SOX6: variants seen among roughly 807,000 people sequenced by gnomAD.
SOX6 encodes transcription factor SOX-6.
A neutral mutation model predicts 97.8 loss-of-function variants in SOX6; 11 were observed. That is an observed-to-expected ratio of 0.11 (90% confidence interval 0.07 to 0.19). SOX6 has a LOEUF of 0.19. SOX6 is among the 10% of genes least tolerant of loss of function. SOX6 has a pLI of 1.00. For missense variants in SOX6, 810 were observed against 1,039.5 expected (o/e 0.78, Z 3.04); for synonymous variants, 360 against 371.4 (o/e 0.97, Z 0.35).
intron 10 of SOX6, among the ~76,000 whole-genome samples, chr11:16,053,418 A>G (rs1847732117): frequency 6.6e-6 from 1 of 152,098 alleles, no homozygotes; most frequent in Non-Finnish European, 1.5e-5. Context: ...TTCAATCACA[A>G]CCACTAAAAC....
chr11:16,604,654 G>A (rs1175107108), intron 4 of SOX6, among the ~76,000 whole-genome samples: 1 of 152,182 alleles, frequency 6.6e-6, no homozygotes, highest in African/African-American at 2.4e-5. Flanking sequence ...CTTCAAGCGC[G>A]GCCCTCACAG....
intron 4 of SOX6, among the ~76,000 whole-genome samples, chr11:16,210,114 G>T (rs896790814): frequency 6.6e-6 from 1 of 152,086 alleles, no homozygotes; most frequent in African/African-American, 2.4e-5. Context: ...GTTACTAGAT[G>T]ACCCAGCAAT....
At chr11:16,518,336 G>A (rs1200133236) in intron 4 of SOX6, among the ~76,000 whole-genome samples, 1 of 152,118 alleles carries the variant, frequency 6.6e-6, no homozygotes, top group African/African-American at 2.4e-5. Context: ...AATACAAAAT[G>A]CTACTTCCTC....
intron 13 of SOX6, among the ~76,000 whole-genome samples, chr11:15,992,001 A>G (rs192531460): frequency 1.0e-3 from 152 of 152,246 alleles, no homozygotes; most frequent in Admixed American, 1.6e-3. Context: ...CCTACATCAC[A>G]TATTATCTTC....
intron 2 of SOX6, among the ~76,000 whole-genome samples, chr11:16,724,484 TA>T (rs72425242): frequency 0.54 from 80,322 of 147,962 alleles, 21,910 homozygotes; most frequent in Admixed American, 0.63. Flanking sequence ...CTGTAGGCTT[TA>T]AAAAAAAAAA....
chr11:15,981,234 T>C (rs1018400047), intron 15 of SOX6, among the ~76,000 whole-genome samples: 4 of 152,090 alleles, frequency 2.6e-5, no homozygotes, highest in Non-Finnish European at 5.9e-5. Flanking sequence ...ATAATGAATG[T>C]GCACATCAAA....
rs141715759 is a variant in SOX6, at chr11:16,070,781, G to A, written c.1102-14880C>T. On this transcript the variant is annotated intron_variant, in intron 9 of 15. Coordinates refer to ENST00000683767, the MANE Select transcript of SOX6 (RefSeq NM_001367873.1). Reference sequence around the variant, plus strand: ...GAAAGGGTGAGAGCCCCCTGGCGGGGGGGCACACTCTCCACAGGGACCTGT... The same window carrying A: ...GAAAGGGTGAGAGCCCCCTGGCGGGAGGGCACACTCTCCACAGGGACCTGT... Among the ~76,000 whole-genome samples the A allele has an allele frequency of 9.2e-5, 14 of 152,142 alleles. No individual in the cohort carries two copies. In the East Asian group the frequency reaches 2.5e-3, roughly 27 times the overall value.
At position 16,394,922 on chromosome 11, in the gene SOX6, A is replaced by G. The variant is rs552389904; in HGVS notation, c.-4-53670T>C. Among the ~76,000 whole-genome samples, 5 of 152,048 alleles carry G rather than the reference A, an allele frequency of 3.3e-5. No individual in the cohort carries two copies. The South Asian group carries it at 1.0e-3, about 31-fold the overall frequency. On this transcript the variant is annotated intron_variant, in intron 1 of 15. Coordinates refer to the SOX6 transcript ENST00000396356. Reference sequence around the variant, plus strand: ...GACAGACTACACTGAAAAACAAGAAACAAAAATGAAGAAAAGCTGTTAAAT... The same window carrying G: ...GACAGACTACACTGAAAAACAAGAAGCAAAAATGAAGAAAAGCTGTTAAAT...
At chr11:16,204,204 C>A (rs1348297765) in intron 4 of SOX6, among the ~76,000 whole-genome samples, 1 of 152,042 alleles carries the variant, frequency 6.6e-6, no homozygotes, top group Non-Finnish European at 1.5e-5. Context: ...ACATGATTGA[C>A]CCAAAATTTA....
chr11:16,716,970 G>T (rs532520558), intron 2 of SOX6, among the ~76,000 whole-genome samples: 67 of 152,102 alleles, frequency 4.4e-4, no homozygotes, highest in Non-Finnish European at 5.4e-4. Context: ...CCAGGTAGTG[G>T]TTATATAGAT....
intron 3 of SOX6, among the ~76,000 whole-genome samples, chr11:16,648,974 C>T (rs371857440): frequency 4.3e-4 from 66 of 151,756 alleles, no homozygotes; most frequent in African/African-American, 1.5e-3. Flanking sequence ...ATACAAAATG[C>T]CTGGAAAGTT....
In SOX6 at chr11:16,389,262, G is replaced by A. The variant is rs142665326; in HGVS notation, c.-4-48010C>T. Among the ~76,000 whole-genome samples, 418 of 152,014 alleles carry A rather than the reference G, an allele frequency of 2.7e-3. 2 individuals carry two copies. Among genetic ancestry groups the A allele is most frequent in the African/African-American group, 9.4e-3 (391 of 41,486 alleles). Reference sequence around the variant, plus strand: ...CACCCTCAGCTAGTTTTATTATTTTGTAGAGACAGGGTCTTGCTACATTGC... The same window carrying A: ...CACCCTCAGCTAGTTTTATTATTTTATAGAGACAGGGTCTTGCTACATTGC... On this transcript the variant is annotated intron_variant, in intron 1 of 15. Coordinates refer to the SOX6 transcript ENST00000396356.
chr11:16,582,909 C>T (rs1848044099), intron 4 of SOX6, among the ~76,000 whole-genome samples: 1 of 151,944 alleles, frequency 6.6e-6, no homozygotes, highest in Admixed American at 6.6e-5. Context: ...TATTCCAGAG[C>T]ATAGACAAAA....
intron 4 of SOX6, among the ~76,000 whole-genome samples, chr11:16,582,464 C>T (rs1848040216): frequency 6.6e-6 from 1 of 151,984 alleles, no homozygotes; most frequent in Non-Finnish European, 1.5e-5. Flanking sequence ...GTATCTTTAG[C>T]ATCTATCTGG....
At chr11:16,190,426 T>C (rs576352821) in intron 4 of SOX6, among the ~76,000 whole-genome samples, 1 of 152,100 alleles carries the variant, frequency 6.6e-6, no homozygotes, top group African/African-American at 2.4e-5. Context: ...AACAACACAA[T>C]AAAAAATAAC....
At chr11:16,472,714 TA>T (rs2133117112) in intron 1 of SOX6, among the ~76,000 whole-genome samples, 1 of 152,268 alleles carries the variant, frequency 6.6e-6, no homozygotes, top group African/African-American at 2.4e-5. Context: ...TAATCAATAC[TA>T]TTATTAAAAG....
At chr11:16,199,209 A>G in intron 4 of SOX6, among the ~76,000 whole-genome samples, 1 of 152,214 alleles carries the variant, frequency 6.6e-6, no homozygotes, top group East Asian at 1.9e-4. Context: ...AACTAACTGA[A>G]CTCACCAGCC....
At chr11:16,196,993 C>A (rs1422758743) in intron 4 of SOX6, among the ~76,000 whole-genome samples, 1 of 151,954 alleles carries the variant, frequency 6.6e-6, no homozygotes, top group Non-Finnish European at 1.5e-5. Context: ...GCCACCACGC[C>A]TGGCTAATTT....
At chr11:16,365,604 C>A (rs1422783953) in intron 1 of SOX6, among the ~76,000 whole-genome samples, 2 of 152,104 alleles carry the variant, frequency 1.3e-5, no homozygotes, top group Non-Finnish European at 2.9e-5. Flanking sequence ...CTCAGACAAA[C>A]TGTTGTGCTT....
Sources: allele counts gnomAD v4.1 joint callset (sites outside exome capture counted in the v4.1 genomes callset), GRCh38; gene constraint gnomAD v4.1.1; transcripts MANE v1.5; gene names NCBI Gene and HGNC (gene_info 2026-07-23, HGNC 2026-07-21).